ABI1: variants seen among roughly 807,000 people sequenced by gnomAD.
ABI1 encodes abl interactor 1.
Under a neutral mutation model 54.6 loss-of-function variants are expected in ABI1, and 14 were observed. The ratio of observed to expected loss-of-function variants is 0.26; its 90% CI spans 0.17 to 0.40. ABI1 has a LOEUF of 0.40. ABI1 is among the 10% of genes least tolerant of loss of function. The pLI is 1.00. For missense variants in ABI1, 443 were observed against 598.3 expected (o/e 0.74, Z 2.71); for synonymous variants, 194 against 209.3 (o/e 0.93, Z 0.63).
chr10:26,817,964 T>C (rs1178532721), intron 2 of ABI1, among the ~76,000 whole-genome samples: 1 of 151,050 alleles, frequency 6.6e-6, no homozygotes, highest in African/African-American at 2.4e-5. Flanking sequence ...GAGACCAGCC[T>C]GGCCAGCATG....
chr10:26,769,901 G>A (rs1315289115), intron 5 of ABI1, among the ~76,000 whole-genome samples: 1 of 152,120 alleles, frequency 6.6e-6, no homozygotes, highest in Non-Finnish European at 1.5e-5. Context: ...CTACAATATA[G>A]ATACTGTAAA....
intron 10 of ABI1, among the ~76,000 whole-genome samples, chr10:26,750,363 G>A (rs909632383): frequency 3.9e-5 from 6 of 152,042 alleles, no homozygotes; most frequent in South Asian, 2.1e-4. Context: ...GCGTGGTGGC[G>A]GGCACCTGTA....
chr10:26,760,910 A>C (rs1182728288), intron 7 of ABI1, among the ~76,000 whole-genome samples: 1 of 151,078 alleles, frequency 6.6e-6, no homozygotes, highest in Non-Finnish European at 1.5e-5. Flanking sequence ...AAAAAAAAAA[A>C]AAAAAAGAGT....
At chr10:26,846,726 C>T (rs1051300127) in intron 1 of ABI1, among the ~76,000 whole-genome samples, 11 of 152,184 alleles carry the variant, frequency 7.2e-5, no homozygotes, top group Non-Finnish European at 4.4e-5. Context: ...CCTACCTCTT[C>T]ACAGATGACT....
At chr10:26,859,557 T>C (rs1455824724) in intron 1 of ABI1, among the ~76,000 whole-genome samples, 1 of 152,256 alleles carries the variant, frequency 6.6e-6, no homozygotes, top group African/African-American at 2.4e-5. Context: ...ACTTTGTTTC[T>C]AGCGCAAACT....
At chr10:26,825,495 T>G (rs984698902) in intron 1 of ABI1, among the ~76,000 whole-genome samples, 1 of 152,072 alleles carries the variant, frequency 6.6e-6, no homozygotes, top group African/African-American at 2.4e-5. Flanking sequence ...ACCCTGTCTC[T>G]ACTAAAAATA....
chr10:26,749,280 G>C (rs896508510), intron 10 of ABI1, among the ~76,000 whole-genome samples: 13 of 152,042 alleles, frequency 8.6e-5, no homozygotes, highest in African/African-American at 3.1e-4. Flanking sequence ...TTAATACTTA[G>C]AGAACTTTGC....
intron 8 of ABI1, among the ~76,000 whole-genome samples, chr10:26,756,458 C>A (rs1031858): frequency 1.3e-5 from 2 of 151,876 alleles, no homozygotes; most frequent in African/African-American, 4.8e-5. Context: ...GTGACCTTTT[C>A]ATCACTGTTC....
At chr10:26,841,181 C>G (rs117222594) in intron 1 of ABI1, among the ~76,000 whole-genome samples, 22 of 152,328 alleles carry the variant, frequency 1.4e-4, no homozygotes, top group Non-Finnish European at 2.9e-4. Flanking sequence ...CCTGCCCACT[C>G]TTGCTCTAGA....
Position 26,755,676 on chromosome 10 carries a change from C to T in ABI1, c.1063G>A (p.Val355Met). Residue 355 changes from valine (V) to methionine (M), a missense_variant, in exon 9 of 11, where the codon GTG (valine) becomes ATG (methionine). Transcript: ENST00000376140. ...TTACTGTTTTCCTGCACCCTGGCCA[C>T]GAAGCCTGTGAGAGGTATCTGTGGA... ...LTPQIPLTGFVARVQENIADS... is the reference protein window; with the variant it reads ...LTPQIPLTGFMARVQENIADS... 5 of 1,613,258 alleles carry T rather than the reference C, an allele frequency of 3.1e-6. No homozygotes were observed. Among genetic ancestry groups the T allele is most frequent in the Non-Finnish European group, 4.2e-6 (5 of 1,179,488 alleles).
chr10:26,829,292 G>A lies in ABI1; in HGVS notation c.118-5987C>T, dbSNP rs114074713. 2.4e-3 allele frequency among the ~76,000 whole-genome samples: 364 copies of A among 151,100 alleles called. 2 individuals carry two copies. Among genetic ancestry groups the A allele is most frequent in the African/African-American group, 8.4e-3 (347 of 41,186 alleles). Reference sequence around the variant, plus strand: ...TATCACATCATAATATCCCAGCTCTGTCCAATGAAAAGATCTAAGAATAAA... The same window carrying A: ...TATCACATCATAATATCCCAGCTCTATCCAATGAAAAGATCTAAGAATAAA... On this transcript the variant is annotated intron_variant, in intron 1 of 10. Transcript: ENST00000376140.
chr10:26,791,670 C>G (rs982100197), intron 2 of ABI1, among the ~76,000 whole-genome samples: 5 of 151,854 alleles, frequency 3.3e-5, no homozygotes, highest in African/African-American at 1.2e-4. Context: ...AATAAATGGA[C>G]CAATACAACA....
At position 26,805,420 on chromosome 10, in the gene ABI1, T is replaced by TAA. The variant is rs79088128; in HGVS notation, c.285+17716_285+17717dup. Among the ~76,000 whole-genome samples the TAA allele has an allele frequency of 2.4e-4, 32 of 134,260 alleles. No homozygotes were observed. The East Asian group carries it at 3.1e-3, about 13-fold the overall frequency. 88.1% of individuals were successfully genotyped at this position (134,260 alleles called of 152,430 possible). A position where few individuals can be genotyped will look rare whatever the true frequency, so the allele number is the denominator to read the frequency against. On this transcript the variant is annotated intron_variant, in intron 2 of 10. Coordinates refer to ENST00000376140, the MANE Select transcript of ABI1 (RefSeq NM_001012750.3). ...GACAGTTCCAAAGTCACTTTTTATT[T>TAA]AAAAAAAAAAAAAAAAGGTAGTTTT... is the stretch of plus-strand genomic sequence containing the variant.
Position 26,809,585 on chromosome 10 carries a change from TAAAAC to T in ABI1, c.285+13548_285+13552del, listed in dbSNP as rs200230042. ...AATAAATAAATAAATAAAATAAAAATAAAACAAAAATATTACTATAAACTTTCATT... is the reference window on the plus strand; with the variant it reads ...AATAAATAAATAAATAAAATAAAAATAAAAATATTACTATAAACTTTCATT... On this transcript the variant is annotated intron_variant, in intron 2 of 10. Transcript: ENST00000376140. Among the ~76,000 whole-genome samples the T allele has an allele frequency of 2.3e-4, 35 of 151,828 alleles. No individual in the cohort carries two copies. The East Asian group carries it at 6.6e-3, about 29-fold the overall frequency.
intron 1 of ABI1, among the ~76,000 whole-genome samples, chr10:26,858,568 G>T (rs2051045019): frequency 7.1e-6 from 1 of 140,330 alleles, no homozygotes; most frequent in Non-Finnish European, 1.5e-5. Context: ...AAAAAACGGG[G>T]CCACTGACTG....
intron 7 of ABI1, chr10:26,764,091 A>G (rs1001630436): frequency 3.4e-6 from 2 of 583,692 alleles, no homozygotes; most frequent in African/African-American, 3.8e-5. Context: ...TGCTCAAATG[A>G]GTATGAATTT....
chr10:26,824,526 T>A (rs1344062204), intron 1 of ABI1, among the ~76,000 whole-genome samples: 4 of 151,884 alleles, frequency 2.6e-5, no homozygotes, highest in Admixed American at 1.3e-4. Flanking sequence ...CACAATAGAG[T>A]ATTATACTGC....
intron 7 of ABI1, chr10:26,764,021 A>G: frequency 1.5e-6 from 2 of 1,330,526 alleles, no homozygotes; most frequent in South Asian, 1.3e-5. Flanking sequence ...ACATTTTGAA[A>G]CAGCAAGAAA....
intron 2 of ABI1, among the ~76,000 whole-genome samples, chr10:26,779,056 A>G (rs1038475573): frequency 2.6e-5 from 4 of 152,174 alleles, no homozygotes; most frequent in Non-Finnish European, 4.4e-5. Context: ...AACAGAACCC[A>G]TGAAATTGTG....
Sources: allele counts gnomAD v4.1 joint callset (sites outside exome capture counted in the v4.1 genomes callset), GRCh38; gene constraint gnomAD v4.1.1; transcripts MANE v1.5; gene names NCBI Gene and HGNC (gene_info 2026-07-23, HGNC 2026-07-21).